Variants in CHD8 observed in about 807,000 individuals in gnomAD.
CHD8 encodes the protein ATP-dependent chromatin remodeler CHD8.
CHD8 carries 31 observed loss-of-function variants against 279.2 expected under a neutral mutation model. That is an observed-to-expected ratio of 0.11 (90% CI 0.08 to 0.15). CHD8 has a LOEUF of 0.15. CHD8 is among the 10% of genes least tolerant of loss of function. The pLI is 1.00. For synonymous variants in CHD8, 1,081 were observed against 1,139.6 expected (o/e 0.95, Z 1.04); for missense variants, 2,146 against 3,230.5 (o/e 0.66, Z 8.14).
chr14:21,426,354 G>A (rs1273846549), intron 4 of CHD8, 112 bp from the exon 5 acceptor site: 2 of 621,956 alleles, frequency 3.2e-6, no homozygotes, highest in Non-Finnish European at 5.7e-6. Context: ...GAAGTTTTTA[G>A]ATCTTCAGTC....
At position 21,435,907 on chromosome 14, in the gene CHD8, T is replaced by C. The variant is rs139435516; in HGVS notation, c.-215-4049A>G. Among the ~76,000 whole-genome samples the C allele has an allele frequency of 2.8e-3, 423 of 152,348 alleles. 2 individuals are homozygous for C. Among genetic ancestry groups the C allele is most frequent in the Non-Finnish European group, 4.5e-3 (306 of 68,030 alleles). On this transcript the variant is annotated intron_variant, in intron 1 of 37. Transcript: ENST00000646647. The stretch of plus-strand genomic sequence containing the variant: ...ATCTTTGGGATGGGATAAGATTTCC[T>C]ATAGCCTCTCAAAAGGAGTTTATCA...
In CHD8 at chr14:21,400,716, A is replaced by G; in HGVS notation, c.4371-104T>C. The stretch of plus-strand genomic sequence containing the variant: ...GTGTGAAACAAAGATCTTAAAAAAC[A>G]TGGTAACAGAATAAACAGAACAAAC... On this transcript the variant is annotated intron_variant, in intron 22 of 37. Transcript: ENST00000646647. This position sits in a 1 kb window ranked among gnomAD's most constrained non-coding sequence, Gnocchi z 4.2. The G allele has an allele frequency of 1.5e-6, 2 of 1,295,038 alleles. No homozygotes were observed. Among genetic ancestry groups the G allele is most frequent in the Non-Finnish European group, 1.0e-6 (1 of 956,432 alleles). The allele number at this position is 1,295,038 out of a possible 1,614,324, so 80.2% of individuals were successfully genotyped here.
chr14:21,453,340 G>A lies in CHD8; in HGVS notation c.-216+2692C>T, dbSNP rs558527201. On this transcript the variant is annotated intron_variant, in intron 1 of 37. Coordinates refer to ENST00000646647, the MANE Select transcript of CHD8 (RefSeq NM_001170629.2). ...CCTAAAAGGTTTCAGCTAAACAGAA[G>A]CAAAAGTGTACAACGTCAGTGAATT... Among the ~76,000 whole-genome samples the A allele has an allele frequency of 2.0e-5, 3 of 151,942 alleles. No individual in the cohort carries two copies. The South Asian group carries it at 6.2e-4, about 31-fold the overall frequency.
intron 1 of CHD8, among the ~76,000 whole-genome samples, chr14:21,435,138 T>C (rs1241005354): frequency 6.6e-6 from 1 of 152,198 alleles, no homozygotes; most frequent in East Asian, 1.9e-4. Flanking sequence ...CAAAACTTAG[T>C]GGTTGTACTT....
intron 37 of CHD8, among the ~76,000 whole-genome samples, chr14:21,389,164 G>A (rs1423744004): frequency 1.3e-5 from 2 of 151,780 alleles, no homozygotes; most frequent in African/African-American, 4.9e-5. Context: ...GCTGGGCATG[G>A]TTGCACACAC....
At chr14:21,397,293 C>T (rs1357155167) in intron 27 of CHD8, 1 of 516,252 alleles carries the variant, frequency 1.9e-6, no homozygotes, top group Non-Finnish European at 3.9e-6. Flanking sequence ...GTTTCACATG[C>T]CCCTCAGATC....
chr14:21,429,418 T>C (rs745393915), intron 2 of CHD8, 83 bp from the exon 3 acceptor site: 103 of 1,400,542 alleles, frequency 7.4e-5, no homozygotes, highest in Non-Finnish European at 7.9e-5. Context: ...TTCTTCATGC[T>C]AGAATCATAA....
intron 1 of CHD8, among the ~76,000 whole-genome samples, chr14:21,437,975 C>T (rs1248519897): frequency 6.6e-6 from 1 of 152,116 alleles, no homozygotes; most frequent in Non-Finnish European, 1.5e-5. Context: ...GTCCACTTTG[C>T]GATGTCACTT....
intron 28 of CHD8, 169 bp from the exon 29 acceptor site, chr14:21,395,521 C>A (rs537704067): frequency 3.3e-6 from 2 of 609,424 alleles, no homozygotes; most frequent in Non-Finnish European, 5.8e-6. Context: ...ACTAAAAGAA[C>A]AAGAAAGTAG....
intron 5 of CHD8, among the ~76,000 whole-genome samples, chr14:21,423,535 G>C (rs115864416): frequency 2.6e-5 from 4 of 151,314 alleles, no homozygotes; most frequent in Non-Finnish European, 4.4e-5. Flanking sequence ...TTTTTTTGGC[G>C]GGGGGAGTCA....
chr14:21,437,205 G>GT (rs2139555457), intron 1 of CHD8: 1 of 1,183,146 alleles, frequency 8.5e-7, no homozygotes, highest in East Asian at 6.1e-5. Flanking sequence ...TGCAGTGGCT[G>GT]TGGGGGGCCG....
chr14:21,390,006 G>C (rs941419216), intron 37 of CHD8, among the ~76,000 whole-genome samples: 1 of 152,140 alleles, frequency 6.6e-6, no homozygotes, highest in Admixed American at 6.5e-5. Context: ...AGGCCAAGGC[G>C]GGTGGATTAC....
intron 7 of CHD8, 70 bp downstream of exon 7, chr14:21,415,504 C>A (rs556917533): frequency 1.8e-5 from 13 of 739,906 alleles, no homozygotes; most frequent in Non-Finnish European, 2.2e-5. Flanking sequence ...GACTCTATTT[C>A]AAAAATAAAT....
chr14:21,448,990 A>C (rs1034944517), intron 1 of CHD8, among the ~76,000 whole-genome samples: 5 of 151,412 alleles, frequency 3.3e-5, no homozygotes, highest in Non-Finnish European at 7.4e-5. Context: ...CTGGCTAACA[A>C]GGTGAAACCC....
chr14:21,408,227 C>G lies in CHD8; in HGVS notation c.2730+85G>C. 1.0e-5 allele frequency: 15 copies of G among 1,467,140 alleles called. No individual in the cohort carries two copies. Among genetic ancestry groups the G allele is most frequent in the Non-Finnish European group, 1.3e-5 (14 of 1,088,484 alleles). 90.9% of individuals were successfully genotyped at this position (1,467,140 alleles called of 1,614,324 possible). A position where few individuals can be genotyped will look rare whatever the true frequency, so the allele number is the denominator to read the frequency against. ...CATATTGAAGACTTTCAATAAAAGT[C>G]TTCTATTCATATATAGCCCTTAAAA... On this transcript the variant is annotated intron_variant, in intron 13 of 37. Transcript: ENST00000646647. The surrounding 1 kb of genome is among the most constrained non-coding windows in gnomAD (Gnocchi z 4.3).
intron 36 of CHD8, among the ~76,000 whole-genome samples, 152 bp downstream of exon 36, chr14:21,391,311 A>C (rs1255756572): frequency 6.6e-6 from 1 of 152,244 alleles, no homozygotes; most frequent in Non-Finnish European, 1.5e-5. Context: ...CATCACAACA[A>C]TTGTGAGGTT....
rs1202463163 is a variant in CHD8, at chr14:21,391,529, G to T, written c.6999C>A (p.Arg2333=). 6.2e-7 allele frequency: 1 copy of T among 1,613,844 alleles called. No homozygotes were observed. Among genetic ancestry groups the T allele is most frequent in the Non-Finnish European group, 8.5e-7 (1 of 1,179,838 alleles). The change falls in exon 36 of 38, where the codon CGC becomes CGA. Residue 2333 remains arginine, a synonymous_variant. Transcript: ENST00000646647. The part of the protein sequence containing the change: ...GTLLVGEDAP[R]RAELEMWLQG... The stretch of plus-strand genomic sequence containing the variant: ...GTAACCACATCTCCAGTTCAGCCCG[G>T]CGAGGGGCATCCTCACCCACCAGCA...
intron 37 of CHD8, among the ~76,000 whole-genome samples, chr14:21,389,229 G>A (rs147588566): frequency 2.3e-4 from 35 of 151,448 alleles, no homozygotes; most frequent in African/African-American, 7.8e-4. Flanking sequence ...GAACTTGGGA[G>A]GTAAAGGTTG....
chr14:21,395,481 T>C, intron 28 of CHD8, 129 bp from the exon 29 acceptor site: 1 of 652,320 alleles, frequency 1.5e-6, no homozygotes, highest in Non-Finnish European at 2.7e-6. Context: ...TCTAAAGAAA[T>C]ATATCCCCAC....
Sources: allele counts gnomAD v4.1 joint callset (sites outside exome capture counted in the v4.1 genomes callset), GRCh38; gene constraint gnomAD v4.1.1; non-coding constraint Gnocchi (gnomAD v3.1); transcripts MANE v1.5; gene names NCBI Gene and HGNC (gene_info 2026-07-23, HGNC 2026-07-21).